TNS1: variants seen among roughly 807,000 people sequenced by gnomAD.
The protein encoded by TNS1 is tensin 1, also known as tensin-1.
In TNS1, 62 loss-of-function variants were observed where a neutral mutation model predicts 168.6. That is an observed-to-expected ratio of 0.37 (90% CI 0.30 to 0.45). The LOEUF (loss-of-function observed/expected upper bound fraction) is 0.45, where lower values mean the gene tolerates loss of function less well. TNS1 is among the 20% of genes least tolerant of loss of function. TNS1 has a pLI of 1.00. For missense variants in TNS1, 2,240 were observed against 2,339.4 expected, an observed-to-expected ratio of 0.96 and a Z score of 0.88; for synonymous variants, 934 against 933.2, an observed-to-expected ratio of 1.00 and a Z score of -0.02.
At chr2:218,025,650 C>T (rs1003921665) in intron 1 of TNS1, among the ~76,000 whole-genome samples, 4 of 152,106 alleles carry the variant, frequency 2.6e-5, no homozygotes, top group Admixed American at 2.6e-4. Flanking sequence ...GATACTAAGG[C>T]AGATCCCTGC....
chr2:217,817,960 G>A lies in TNS1; in HGVS notation c.4372C>T (p.Pro1458Ser), dbSNP rs775735259. 4 of 1,608,080 alleles carry A rather than the reference G, an allele frequency of 2.5e-6. No individual in the cohort carries two copies. The highest frequency in any genetic ancestry group is 3.4e-6 in the Non-Finnish European group (4 of 1,177,118). ...CCAGGGTAGTAGGCAGGGGAGACAG[G>A]GAAGGAGGGCGTGGAAGGAGCCTGG... is the stretch of plus-strand genomic sequence containing the variant. ...GYQAPSTPSF[P>S]VSPAYYPGLS... Residue 1458 changes from proline to serine, a missense_variant, in exon 24 of 33, where the codon CCT (proline) becomes TCT (serine). This residue lies in a region of TNS1 where 2,131 missense variants were observed against 2,171.2 expected (regional missense o/e 0.98). Coordinates refer to ENST00000682258, the MANE Select transcript of TNS1 (RefSeq NM_001387777.1).
At position 218,033,751 on chromosome 2, in the gene TNS1, C is replaced by A. The variant is rs917796808; in HGVS notation, c.156+69G>T. 6.6e-6 allele frequency among the ~76,000 whole-genome samples: 1 copy of A among 152,218 alleles called. No individual in the cohort carries two copies. Among genetic ancestry groups the A allele is most frequent in the Non-Finnish European group, 1.5e-5 (1 of 68,046 alleles). On this transcript the variant is annotated intron_variant, in intron 1 of 1. Coordinates refer to the TNS1 transcript ENST00000649572. The surrounding 1 kb of genome is among the most constrained non-coding windows in gnomAD (Gnocchi z 4.3). Reference sequence around the variant, plus strand: ...CTGGCTACTTAACCTGTGTCAGGTGCCCTGGGCTCTGCCAACCGCCAGCTC... The same window carrying A: ...CTGGCTACTTAACCTGTGTCAGGTGACCTGGGCTCTGCCAACCGCCAGCTC...
At chr2:217,879,582 C>T (rs988703533) in intron 18 of TNS1, 2 of 301,788 alleles carry the variant, frequency 6.6e-6, no homozygotes, top group South Asian at 2.4e-5. Context: ...CAATGTTGCA[C>T]GTAAAAAAAT....
At position 217,804,287 on chromosome 2, in the gene TNS1, T is replaced by C. The variant is rs878910921; in HGVS notation, c.*172A>G. ...CTCTCTCTCTCTCTCTCTCTCTCTC[T>C]CTTTTCCCCCTCCCCTCTGCAATTC... On this transcript the variant is annotated 3_prime_UTR_variant, in exon 33 of 33. Coordinates refer to ENST00000682258, the MANE Select transcript of TNS1 (RefSeq NM_001387777.1). The C allele has an allele frequency of 1.4e-6, 1 of 704,122 alleles. No homozygotes were observed. Among genetic ancestry groups the C allele is most frequent in the Non-Finnish European group, 2.3e-6 (1 of 428,822 alleles). The allele number at this position is 704,122 out of a possible 1,614,324, so 43.6% of individuals were successfully genotyped here.
At chr2:217,920,319 C>G (rs1863795) in intron 3 of TNS1, 83 bp from the exon 4 acceptor site, 2 of 699,036 alleles carry the variant, frequency 2.9e-6, no homozygotes, top group Admixed American at 4.0e-5. Flanking sequence ...CCCCACACCT[C>G]CCCCTGCTTC....
At chr2:217,839,881 G>T (rs1237420059) in intron 19 of TNS1, among the ~76,000 whole-genome samples, 1 of 152,200 alleles carries the variant, frequency 6.6e-6, no homozygotes, top group African/African-American at 2.4e-5. Context: ...CCACCTGCTG[G>T]GCCAGGGTGC....
intron 24 of TNS1, among the ~76,000 whole-genome samples, chr2:217,817,115 G>A (rs1338078639): frequency 6.6e-6 from 1 of 152,160 alleles, no homozygotes; most frequent in Non-Finnish European, 1.5e-5. Flanking sequence ...TGGAAGGCAG[G>A]TTTTCAAGGT....
chr2:217,951,628 G>C (rs912878279), intron 3 of TNS1, among the ~76,000 whole-genome samples: 2 of 152,162 alleles, frequency 1.3e-5, no homozygotes, highest in Admixed American at 1.3e-4. Context: ...ACAGGGGCTC[G>C]CCCGCCCCTG....
chr2:218,022,953 G>A (rs1290795472), intron 1 of TNS1, among the ~76,000 whole-genome samples: 2 of 152,124 alleles, frequency 1.3e-5, no homozygotes, highest in African/African-American at 4.8e-5. Flanking sequence ...GAGCCAGGGG[G>A]CAACAGGCCC....
chr2:217,804,150 T>A lies in TNS1; in HGVS notation c.*309A>T. On this transcript the variant is annotated 3_prime_UTR_variant, in exon 33 of 33. Coordinates refer to ENST00000682258, the MANE Select transcript of TNS1 (RefSeq NM_001387777.1). ...CCTTCTCTTTTGAGGACATCCATCT[T>A]CTTAGGGGAGGGAGGGGGTGTTAGG... is the stretch of plus-strand genomic sequence containing the variant. 3.5e-6 allele frequency: 1 copy of A among 284,010 alleles called. No individual in the cohort carries two copies. The allele number at this position is 284,010 out of a possible 1,614,324, so 17.6% of individuals were successfully genotyped here. A position where few individuals can be genotyped will look rare whatever the true frequency, so the allele number is the denominator to read the frequency against.
At position 217,817,857 on chromosome 2, in the gene TNS1, T is replaced by A. The variant is rs772526212; in HGVS notation, c.4475A>T (p.Glu1492Val). Residue 1492 changes from glutamate to valine, a missense_variant, in exon 24 of 33, where the codon GAG (glutamate) becomes GTG (valine). By Grantham distance (121) the Glu-to-Val change is moderately radical. Transcript: ENST00000682258. Reference sequence around the variant, plus strand: ...GTCTCCCACTGACATCCTTCGCTTCTCTGGCAAGGCTGGTGTTGGGCTCCC... The same window carrying A: ...GTCTCCCACTGACATCCTTCGCTTCACTGGCAAGGCTGGTGTTGGGCTCCC... The part of the protein sequence containing the change: ...RQGSPTPALP[E>V]KRRMSVGDRA... 19 of 1,614,218 alleles carry A rather than the reference T, an allele frequency of 1.2e-5. No individual in the cohort carries two copies. The Admixed American group carries it at 3.2e-4, about 27-fold the overall frequency.
intron 30 of TNS1, among the ~76,000 whole-genome samples, chr2:217,809,523 A>G (rs370119200): frequency 0.11 from 833 of 7,264 alleles, 180 homozygotes; most frequent in Middle Eastern, 0.2. Context: ...ATGGATGGAT[A>G]GGTGCATGGA....
chr2:217,848,617 C>A lies in TNS1; in HGVS notation c.1900G>T (p.Asp634Tyr), dbSNP rs761389048. 2 of 1,614,094 alleles carry A rather than the reference C, an allele frequency of 1.2e-6. No homozygotes were observed. The highest frequency in any genetic ancestry group is 1.1e-5 in the South Asian group (1 of 91,086). The change falls in exon 19 of 33, where the codon GAT (aspartate) becomes TAT (tyrosine). Residue 634 changes from aspartate to tyrosine, a missense_variant. Transcript: ENST00000682258. The stretch of plus-strand genomic sequence containing the variant: ...CCCATGCTGCCCGCACTGTGACCAT[C>A]CTGGTTTGGCAATTCATCGTCCAGG... ...DILDDELPNQ[D>Y]GHSAGSMGTL... is the part of the protein sequence containing the mutation.
At chr2:217,981,437 G>A (rs533488408) in intron 2 of TNS1, among the ~76,000 whole-genome samples, 69 of 151,932 alleles carry the variant, frequency 4.5e-4, no homozygotes, top group African/African-American at 1.6e-3. Flanking sequence ...GCCCTCAAGT[G>A]GGGGGGCAAA....
intron 1 of TNS1, among the ~76,000 whole-genome samples, chr2:217,991,440 G>A (rs946353842): frequency 2.0e-5 from 3 of 151,878 alleles, no homozygotes; most frequent in Non-Finnish European, 4.4e-5. Context: ...CCACATCCCC[G>A]AAGACTCCCT....
At chr2:217,959,672 C>CTAT (rs201916561) in intron 3 of TNS1, among the ~76,000 whole-genome samples, 12 of 151,996 alleles carry the variant, frequency 7.9e-5, no homozygotes, top group East Asian at 1.9e-4. Flanking sequence ...ATGATAACCA[C>CTAT]TATTATTATT....
At position 217,848,552 on chromosome 2, in the gene TNS1, C is replaced by T. The variant is rs762722991; in HGVS notation, c.1965G>A (p.Glu655=). Reference sequence around the variant, plus strand: ...GGGACAGGGCCTCTGGGTAGCCCCCCTCACTGGTGTTGGTGACCCCGTCCA... The same window carrying T: ...GGGACAGGGCCTCTGGGTAGCCCCCTTCACTGGTGTTGGTGACCCCGTCCA... ...SSLDGVTNTS[E]GGYPEALSPL... Residue 655 remains glutamate (E), a synonymous_variant, in exon 19 of 33, where the codon GAG becomes GAA. Transcript: ENST00000682258. 2.5e-6 allele frequency: 4 copies of T among 1,613,998 alleles called. No individual in the cohort carries two copies. The highest frequency in any genetic ancestry group is 3.4e-6 in the Non-Finnish European group (4 of 1,179,988).
chr2:217,922,714 G>A (rs1038498602), intron 3 of TNS1, among the ~76,000 whole-genome samples: 5 of 151,884 alleles, frequency 3.3e-5, no homozygotes, highest in African/African-American at 9.7e-5. Flanking sequence ...TATCCTGACC[G>A]CAGGTCCCTT....
intron 1 of TNS1, among the ~76,000 whole-genome samples, chr2:218,020,326 C>T (rs1306351696): frequency 1.3e-5 from 2 of 152,078 alleles, no homozygotes; most frequent in Admixed American, 6.5e-5. Context: ...AGGAAAGGGC[C>T]AACTCCTGGC....
Sources: allele counts gnomAD v4.1 joint callset (sites outside exome capture counted in the v4.1 genomes callset), GRCh38; gene constraint gnomAD v4.1.1; regional missense constraint gnomAD v4.1.1; non-coding constraint Gnocchi (gnomAD v3.1); transcripts MANE v1.5; gene names NCBI Gene and HGNC (gene_info 2026-07-23, HGNC 2026-07-21).